The following CMSS1 variants were observed in gnomAD, a reference collection of about 807,000 sequenced individuals.
CMSS1 encodes protein CMSS1.
Under a neutral mutation model 43.5 loss-of-function variants are expected in CMSS1, and 33 were observed. The ratio of observed to expected loss-of-function variants is 0.76; its 90% confidence interval spans 0.57 to 1.01. The LOEUF is 1.01. Ranked by LOEUF, CMSS1 falls within the 50% of genes least tolerant of loss-of-function variation. The pLI, the probability that CMSS1 is intolerant of heterozygous loss-of-function variation, is 0.00. For synonymous variants in CMSS1, 115 were observed against 117.2 expected, an observed-to-expected ratio of 0.98 and a Z score of 0.12; for missense variants, 313 against 326.4, an observed-to-expected ratio of 0.96 and a Z score of 0.32.
chr3:99,894,160 G>C (rs988385396), intron 1 of CMSS1, among the ~76,000 whole-genome samples: 2 of 152,230 alleles, frequency 1.3e-5, no homozygotes, highest in Non-Finnish European at 2.9e-5. Flanking sequence ...GCTAGGAGTT[G>C]GTTGGAGAGG....
intron 1 of CMSS1, chr3:100,041,034 G>C (rs1224239332): frequency 6.6e-6 from 1 of 152,168 alleles, no homozygotes; most frequent in African/African-American, 2.4e-5. Flanking sequence ...ACGCTTTACA[G>C]TTAACCAAAG....
At chr3:99,845,032 T>G (rs1943299687) in intron 1 of CMSS1, among the ~76,000 whole-genome samples, 1 of 152,180 alleles carries the variant, frequency 6.6e-6, no homozygotes, top group Non-Finnish European at 1.5e-5. Context: ...CTAATAAAAC[T>G]GGTGTCATGA....
At position 100,180,984 on chromosome 3, in the gene CMSS1, G is replaced by A. The variant is rs2067181187; in HGVS notation, c.*2596G>A. 6.6e-6 allele frequency: 1 copy of A among 152,366 alleles called. No individual in the cohort carries two copies. 9.4% of individuals were successfully genotyped at this position (152,366 alleles called of 1,614,324 possible). A position where few individuals can be genotyped will look rare whatever the true frequency, so the allele number is the denominator to read the frequency against. On this transcript the variant is annotated 3_prime_UTR_variant, in exon 10 of 10. Transcript: ENST00000421999. The stretch of plus-strand genomic sequence containing the variant: ...TACAATCATGGCAGAAGATGAAAGG[G>A]ATGCAACCACATCTTGTGGCAACAA...
At chr3:99,855,224 G>A (rs190302668) in intron 1 of CMSS1, among the ~76,000 whole-genome samples, 153 of 152,192 alleles carry the variant, frequency 1.0e-3, no homozygotes, top group South Asian at 2.9e-3. Context: ...GAGAGAATAT[G>A]GCTAAATTAA....
rs796142082 is a variant in CMSS1, at chr3:99,983,492, A to G, written c.65-163481A>G. On this transcript the variant is annotated intron_variant, in intron 1 of 9. Coordinates refer to ENST00000421999, the MANE Select transcript of CMSS1 (RefSeq NM_032359.4). ...TATATATATATATATATATATATAT[A>G]TATATATATATATATATGTATATAT... Among the ~76,000 whole-genome samples, 304 of 110,662 alleles carry G rather than the reference A, an allele frequency of 2.7e-3. 14 individuals are homozygous for G. The highest frequency in any genetic ancestry group is 0.01 in the African/African-American group (279 of 27,102). The allele number at this position is 110,662 out of a possible 152,430, so 72.6% of individuals were successfully genotyped here.
At chr3:99,929,906 C>T in intron 1 of CMSS1, 1 of 1,613,540 alleles carries the variant, frequency 6.2e-7, no homozygotes, top group South Asian at 1.1e-5. Context: ...GTAGATTTCG[C>T]TTGAAAAGCA....
At chr3:99,951,497 C>T (rs564491304) in intron 1 of CMSS1, among the ~76,000 whole-genome samples, 1 of 152,142 alleles carries the variant, frequency 6.6e-6, no homozygotes, top group Non-Finnish European at 1.5e-5. Flanking sequence ...TTAGTCCAGT[C>T]TCCCTGGTAA....
intron 1 of CMSS1, among the ~76,000 whole-genome samples, chr3:99,845,940 A>G (rs1221811440): frequency 6.6e-6 from 1 of 152,246 alleles, no homozygotes; most frequent in Non-Finnish European, 1.5e-5. Flanking sequence ...GGAAGCCTCT[A>G]TATAGTTAAA....
intron 1 of CMSS1, among the ~76,000 whole-genome samples, chr3:99,842,183 G>A (rs1385946205): frequency 6.6e-6 from 1 of 152,184 alleles, no homozygotes; most frequent in Admixed American, 6.5e-5. Context: ...GGCATTCGTA[G>A]CAACCTGGAT....
At chr3:99,831,296 G>T (rs1170360436) in intron 1 of CMSS1, among the ~76,000 whole-genome samples, 1 of 152,210 alleles carries the variant, frequency 6.6e-6, no homozygotes, top group Non-Finnish European at 1.5e-5. Context: ...CTGTGTACAT[G>T]CTTTAATTAT....
rs760086015 is a variant in CMSS1 at position 100,074,106 on chromosome 3, C to T, written c.65-72867C>T. The stretch of plus-strand genomic sequence containing the variant: ...TCCTCCACAACTGGAAAATATGAGG[C>T]AGATCTTGTTTATGTATGCTGTAAC... On this transcript the variant is annotated intron_variant, in intron 1 of 9. Transcript: ENST00000421999. 1.5e-4 allele frequency among the ~76,000 whole-genome samples: 23 copies of T among 152,104 alleles called. 1 individual carries two copies. The highest frequency in any genetic ancestry group is 3.1e-4 in the Non-Finnish European group (21 of 68,018).
chr3:99,990,782 TA>T (rs199614454), intron 1 of CMSS1, among the ~76,000 whole-genome samples: 20 of 151,038 alleles, frequency 1.3e-4, no homozygotes, highest in African/African-American at 3.2e-4. Flanking sequence ...ATATTTGTAA[TA>T]AAAAAAAATA....
Position 99,872,269 on chromosome 3 carries a change from C to CTGTGTGTGTGTGTGTG in CMSS1, c.64+54265_64+54280dup, listed in dbSNP as rs55727823. On this transcript the variant is annotated intron_variant, in intron 1 of 9. Coordinates refer to ENST00000421999, the MANE Select transcript of CMSS1 (RefSeq NM_032359.4). The stretch of plus-strand genomic sequence containing the variant: ...ATTCTGTGGATATTCTGTGCCAGGA[C>CTGTGTGTGTGTGTGTG]TGTGTGTGTGTGTGTGTGTGTGTGT... Among the ~76,000 whole-genome samples the CTGTGTGTGTGTGTGTG allele has an allele frequency of 2.9e-3, 324 of 110,802 alleles. 8 individuals carry two copies. Among genetic ancestry groups the CTGTGTGTGTGTGTGTG allele is most frequent in the East Asian group, 5.4e-3 (17 of 3,136 alleles). 72.7% of individuals were successfully genotyped at this position (110,802 alleles called of 152,430 possible).
At chr3:99,925,862 G>T in intron 1 of CMSS1, 2 of 985,418 alleles carry the variant, frequency 2.0e-6, no homozygotes, top group Non-Finnish European at 2.4e-6. Context: ...CACTGGGCTG[G>T]TTTATCAGCT....
At chr3:99,847,408 A>G (rs1576506797) in intron 1 of CMSS1, among the ~76,000 whole-genome samples, 1 of 151,194 alleles carries the variant, frequency 6.6e-6, no homozygotes, top group African/African-American at 2.4e-5. Context: ...GGCTGGTTCC[A>G]GATTTGGTTG....
At chr3:100,004,601 T>C (rs1262124763) in intron 1 of CMSS1, among the ~76,000 whole-genome samples, 1 of 152,104 alleles carries the variant, frequency 6.6e-6, no homozygotes, top group Non-Finnish European at 1.5e-5. Flanking sequence ...TTAAGAAACA[T>C]CATCATCATC....
intron 1 of CMSS1, among the ~76,000 whole-genome samples, chr3:99,932,532 AT>A (rs1348053007): frequency 6.6e-6 from 1 of 151,618 alleles, no homozygotes; most frequent in Non-Finnish European, 1.5e-5. Context: ...ATTCTTGCAC[AT>A]TTTTTTCCCT....
intron 1 of CMSS1, among the ~76,000 whole-genome samples, chr3:99,864,653 C>T (rs1043936763): frequency 6.6e-6 from 1 of 152,042 alleles, no homozygotes; most frequent in East Asian, 1.9e-4. Flanking sequence ...GCTTTCTGCT[C>T]CACCCACTTG....
rs147075893 is a variant in CMSS1 at position 100,092,566 on chromosome 3, C to G, written c.65-54407C>G. ...TGTGTATATCTTGTATTTGCATGCC[C>G]AGTACACATACCCCAGTTGGAAGGC... On this transcript the variant is annotated intron_variant, in intron 1 of 9. Coordinates refer to ENST00000421999, the MANE Select transcript of CMSS1 (RefSeq NM_032359.4). Among the ~76,000 whole-genome samples the G allele has an allele frequency of 2.6e-3, 385 of 150,630 alleles. 1 individual carries two copies. Among genetic ancestry groups the G allele is most frequent in the Non-Finnish European group, 3.9e-3 (267 of 67,670 alleles).
Sources: allele counts gnomAD v4.1 joint callset (sites outside exome capture counted in the v4.1 genomes callset), GRCh38; gene constraint gnomAD v4.1.1; transcripts MANE v1.5; gene names NCBI Gene and HGNC (gene_info 2026-07-23, HGNC 2026-07-21).